Variants in WDR25 observed in about 807,000 individuals in gnomAD.
WDR25 encodes the protein WD repeat-containing protein 25.
Under a neutral mutation model 47.7 loss-of-function variants are expected in WDR25, and 35 were observed. That is an observed-to-expected ratio of 0.73 (90% CI 0.56 to 0.97). The LOEUF (loss-of-function observed/expected upper bound fraction) is 0.97. WDR25 is among the 50% of genes least tolerant of loss of function. The pLI is 0.00. For synonymous variants in WDR25, 248 were observed against 278.9 expected (o/e 0.89, Z 1.10); for missense variants, 634 against 704.7 (o/e 0.90, Z 1.14).
intron 2 of WDR25, among the ~76,000 whole-genome samples, chr14:100,458,499 TC>T (rs1350222611): frequency 6.6e-6 from 1 of 152,112 alleles, no homozygotes; most frequent in Non-Finnish European, 1.5e-5. Context: ...AATCAATAGA[TC>T]AAGTAGACAG....
intron 2 of WDR25, among the ~76,000 whole-genome samples, chr14:100,390,583 T>C (rs1161920962): frequency 6.6e-6 from 1 of 152,194 alleles, no homozygotes; most frequent in Admixed American, 6.5e-5. Flanking sequence ...GGAGGTGTCT[T>C]CTCTGGGTGG....
intron 2 of WDR25, among the ~76,000 whole-genome samples, chr14:100,396,298 C>G (rs980636991): frequency 2.0e-5 from 3 of 152,142 alleles, no homozygotes; most frequent in African/African-American, 7.2e-5. Flanking sequence ...TTTACACTGT[C>G]AGGTAATGGT....
chr14:100,493,465 A>T (rs1056001817), intron 4 of WDR25, among the ~76,000 whole-genome samples: 4 of 151,938 alleles, frequency 2.6e-5, no homozygotes, highest in Admixed American at 1.3e-4. Context: ...TGTTTTTTTT[A>T]AAATTAGACT....
intron 2 of WDR25, among the ~76,000 whole-genome samples, chr14:100,433,374 C>T (rs1898400010): frequency 6.6e-6 from 1 of 152,232 alleles, no homozygotes; most frequent in African/African-American, 2.4e-5. Flanking sequence ...CTGTGTTTCT[C>T]AGTGCTTCCT....
intron 2 of WDR25, 23 bp from the exon 3 acceptor site, chr14:100,467,998 G>A (rs775355059): frequency 6.2e-7 from 1 of 1,611,522 alleles, no homozygotes. Context: ...GTGACACCTG[G>A]TGCTGTCTGT....
chr14:100,454,628 T>C, intron 2 of WDR25: 1 of 415,254 alleles, frequency 2.4e-6, no homozygotes, highest in Admixed American at 3.0e-5. Context: ...GATGAGTTTC[T>C]GACTTTTATG....
chr14:100,408,828 A>G (rs544026816), intron 2 of WDR25, among the ~76,000 whole-genome samples: 1 of 152,274 alleles, frequency 6.6e-6, no homozygotes, highest in African/African-American at 2.4e-5. Flanking sequence ...TTTTCCCTTT[A>G]GTAATGTTTA....
chr14:100,496,623 C>T (rs1900734903), intron 4 of WDR25, among the ~76,000 whole-genome samples: 1 of 152,062 alleles, frequency 6.6e-6, no homozygotes, highest in South Asian at 2.1e-4. Context: ...ATTTTCCTCT[C>T]AGCACTACTT....
At chr14:100,413,703 G>A (rs1405701127) in intron 2 of WDR25, among the ~76,000 whole-genome samples, 3 of 152,084 alleles carry the variant, frequency 2.0e-5, no homozygotes, top group Admixed American at 1.3e-4. Flanking sequence ...GTGAGCCACC[G>A]CGCCCGGCCT....
chr14:100,529,730 C>G lies in WDR25; in HGVS notation c.1414-90C>G. ...GAAGCCCAGCTCTGCTCCGTCAGCTCGGGGCTTCAGCCTGCTCCTCTGTAG... is the reference window on the plus strand; with the variant it reads ...GAAGCCCAGCTCTGCTCCGTCAGCTGGGGGCTTCAGCCTGCTCCTCTGTAG... On this transcript the variant is annotated intron_variant, in intron 6 of 6. Transcript: ENST00000402312. This position sits in a 1 kb window ranked among gnomAD's most constrained non-coding sequence, Gnocchi z 5.1. 7.1e-7 allele frequency: 1 copy of G among 1,415,770 alleles called. No homozygotes were observed. The highest frequency in any genetic ancestry group is 1.3e-5 in the South Asian group (1 of 75,396). The allele number at this position is 1,415,770 out of a possible 1,614,324, so 87.7% of individuals were successfully genotyped here. A position where few individuals can be genotyped will look rare whatever the true frequency, so the allele number is the denominator to read the frequency against.
rs777548603 is a variant in WDR25, at chr14:100,381,446, AC to A, written c.525del (p.Tyr176IlefsTer6). On this transcript the variant is annotated frameshift_variant, in exon 2 of 7. Transcript: ENST00000402312. LOFTEE classifies it high-confidence loss of function. ...AGAAAAAATGTGAGGACTGTGTGGT[AC>A]CCTATACTCCCAGAAGACTAAGACA... ...QKKKCEDCVV[P>X]YTPRRLRQRQ... 6.2e-7 allele frequency: 1 copy of A among 1,614,124 alleles called. No individual in the cohort carries two copies. Among genetic ancestry groups the A allele is most frequent in the Non-Finnish European group, 8.5e-7 (1 of 1,180,032 alleles).
intron 2 of WDR25, among the ~76,000 whole-genome samples, chr14:100,414,576 G>A (rs1897815014): frequency 2.0e-5 from 3 of 152,098 alleles, no homozygotes; most frequent in Non-Finnish European, 4.4e-5. Context: ...GCCTCCCAAA[G>A]TGCTGGAATT....
intron 5 of WDR25, among the ~76,000 whole-genome samples, chr14:100,527,485 T>C (rs1038958040): frequency 6.6e-6 from 1 of 152,270 alleles, no homozygotes; most frequent in Non-Finnish European, 1.5e-5. Flanking sequence ...TGTGTACACC[T>C]TCTTTTCCTC....
intron 2 of WDR25, among the ~76,000 whole-genome samples, chr14:100,383,623 C>T (rs1040800559): frequency 6.6e-6 from 1 of 152,222 alleles, no homozygotes. Flanking sequence ...CTCCCTGGGC[C>T]CTGCTGGCAG....
rs1361744175 is a variant in WDR25 at position 100,430,980 on chromosome 14, G to T, written c.823-37041G>T. 6.6e-6 allele frequency among the ~76,000 whole-genome samples: 1 copy of T among 152,142 alleles called. No individual in the cohort carries two copies. Among genetic ancestry groups the T allele is most frequent in the East Asian group, 1.9e-4 (1 of 5,190 alleles). ...CCTCATCGTTGGCTTCTATGTGGCC[G>T]GCCTTCAGTAGGTGTTTCCTGAGTG... On this transcript the variant is annotated intron_variant, in intron 2 of 6. Transcript: ENST00000402312. This position sits in a 1 kb window ranked among gnomAD's most constrained non-coding sequence, Gnocchi z 4.7.
At chr14:100,432,578 A>G (rs1898371566) in intron 2 of WDR25, among the ~76,000 whole-genome samples, 1 of 152,256 alleles carries the variant, frequency 6.6e-6, no homozygotes, top group South Asian at 2.1e-4. Flanking sequence ...AAATGTTAAC[A>G]TCATTTTATA....
intron 2 of WDR25, among the ~76,000 whole-genome samples, chr14:100,382,697 T>C (rs867972569): frequency 1.2e-4 from 19 of 152,182 alleles, no homozygotes; most frequent in African/African-American, 4.6e-4. Context: ...GCAAAGCACC[T>C]GATATGTAGC....
At chr14:100,421,834 C>G (rs1033187606) in intron 2 of WDR25, among the ~76,000 whole-genome samples, 5 of 152,208 alleles carry the variant, frequency 3.3e-5, no homozygotes, top group Non-Finnish European at 7.3e-5. Context: ...ATTTGCAAAA[C>G]AGTCAACATT....
At chr14:100,376,549 C>T (rs1948368602) in intron 1 of WDR25, 54 bp downstream of exon 1, 1 of 1,231,746 alleles carries the variant, frequency 8.1e-7, no homozygotes. Context: ...CTGGGCAGCG[C>T]CTAAAGCGCC....
Sources: gnomAD v4.1 joint callset for allele counts (sites outside exome capture counted in the v4.1 genomes callset) on GRCh38, gnomAD v4.1.1 for gene constraint, Gnocchi (gnomAD v3.1) non-coding constraint, MANE v1.5 for transcripts, NCBI Gene and HGNC (gene_info 2026-07-23, HGNC 2026-07-21) for gene names.